The following SYNPO2 variants were observed in gnomAD, a reference collection of about 807,000 sequenced individuals.
SYNPO2 encodes the protein synaptopodin 2.
In SYNPO2, 56 loss-of-function variants were observed where a neutral mutation model predicts 85.0. The observed-to-expected ratio is 0.66, with a 90% CI of 0.53 to 0.82. The LOEUF (loss-of-function observed/expected upper bound fraction) is 0.82. Among genes scored for constraint, SYNPO2 ranks in the 40% least tolerant of loss-of-function variants. The pLI, the probability that SYNPO2 is intolerant of heterozygous loss-of-function variation, is 0.00. For missense variants in SYNPO2, 1,575 were observed against 1,534.2 expected (o/e 1.03, Z -0.44); for synonymous variants, 602 against 591.1 (o/e 1.02, Z -0.27).
intron 1 of SYNPO2, among the ~76,000 whole-genome samples, chr4:118,904,983 T>C (rs560743232): frequency 6.6e-6 from 1 of 152,328 alleles, no homozygotes. Context: ...AGGTCTCCAG[T>C]ATTTTGGCTG....
At chr4:118,869,061 A>AATT (rs559947310) in intron 1 of SYNPO2, among the ~76,000 whole-genome samples, 1 of 152,016 alleles carries the variant, frequency 6.6e-6, no homozygotes, top group Non-Finnish European at 1.5e-5. Flanking sequence ...GCAAAAAGAA[A>AATT]ATTATTATTA....
In SYNPO2 at chr4:119,057,509, G is replaced by A. The variant is rs1371987909; in HGVS notation, c.3361G>A (p.Gly1121Arg). 1 of 1,614,082 alleles carries A rather than the reference G, an allele frequency of 6.2e-7. No homozygotes were observed. Among genetic ancestry groups the A allele is most frequent in the Non-Finnish European group, 8.5e-7 (1 of 1,180,030 alleles). ...TAGTTACTCTAGTAAACCAACCGAT[G>A]GACTAGAGAAAGCAAACAAGAGACC... is the stretch of plus-strand genomic sequence containing the variant. The part of the protein sequence containing the change: ...TYSYSSKPTD[G>R]LEKANKRPTP... Residue 1121 changes from glycine to arginine, a missense_variant, in exon 5 of 5, where the codon GGA becomes AGA. Coordinates refer to ENST00000307142, the MANE Select transcript of SYNPO2 (RefSeq NM_133477.3).
At chr4:118,854,440 AG>A (rs1731472823) in intron 1 of SYNPO2, among the ~76,000 whole-genome samples, 1 of 152,234 alleles carries the variant, frequency 6.6e-6, no homozygotes, top group Non-Finnish European at 1.5e-5. Flanking sequence ...TGCTGCAAAT[AG>A]AAAACCAGCC....
chr4:118,903,508 A>G lies in SYNPO2; in HGVS notation c.105+14367A>G, dbSNP rs192176948. Among the ~76,000 whole-genome samples the G allele has an allele frequency of 2.0e-5, 3 of 152,320 alleles. No homozygotes were observed. The East Asian group carries it at 5.8e-4, about 29-fold the overall frequency. On this transcript the variant is annotated intron_variant, in intron 1 of 4. Transcript: ENST00000307142. Reference sequence around the variant, plus strand: ...ATACAAATAAAATTAAGAGCACAAAAGCCAGATGGAACAACTTGCGATGAT... The same window carrying G: ...ATACAAATAAAATTAAGAGCACAAAGGCCAGATGGAACAACTTGCGATGAT...
intron 1 of SYNPO2, among the ~76,000 whole-genome samples, chr4:118,993,885 T>G (rs1228142356): frequency 6.6e-6 from 1 of 152,252 alleles, no homozygotes; most frequent in Non-Finnish European, 1.5e-5. Flanking sequence ...CCAGGACTTA[T>G]GATGCTGGAA....
chr4:118,954,484 C>CA (rs1323114089), intron 1 of SYNPO2, among the ~76,000 whole-genome samples: 4 of 152,036 alleles, frequency 2.6e-5, no homozygotes, highest in African/African-American at 9.7e-5. Flanking sequence ...GATGTTCAAC[C>CA]AAAAATGGGC....
chr4:118,981,265 T>G lies in SYNPO2; in HGVS notation c.106-42165T>G, dbSNP rs116059040. On this transcript the variant is annotated intron_variant, in intron 1 of 4. Transcript: ENST00000307142. ...GGATGGGCTCTCTAGTTGAACAGCC[T>G]AACAGCCCTGCAACCAACCTGTCTC... Among the ~76,000 whole-genome samples the G allele has an allele frequency of 5.6e-3, 848 of 152,244 alleles. 6 individuals are homozygous for G. Among genetic ancestry groups the G allele is most frequent in the African/African-American group, 0.02 (812 of 41,542 alleles).
chr4:118,971,760 G>A (rs1412166256), intron 1 of SYNPO2, among the ~76,000 whole-genome samples: 1 of 152,188 alleles, frequency 6.6e-6, no homozygotes, highest in African/African-American at 2.4e-5. Flanking sequence ...AGTAACCATG[G>A]TCTCTGAAAA....
chr4:119,049,285 G>A (rs890406731), intron 4 of SYNPO2, among the ~76,000 whole-genome samples: 5 of 152,152 alleles, frequency 3.3e-5, no homozygotes, highest in Admixed American at 2.0e-4. Flanking sequence ...TGATTAAAAA[G>A]GCAAAAGAAA....
At chr4:118,960,021 G>A (rs536064959) in intron 1 of SYNPO2, among the ~76,000 whole-genome samples, 1 of 152,330 alleles carries the variant, frequency 6.6e-6, no homozygotes, top group African/African-American at 2.4e-5. Flanking sequence ...TATGATAGAA[G>A]AGTAGGAGGC....
chr4:118,910,276 C>CAGGGGAGAATG (rs1282752048), intron 1 of SYNPO2, among the ~76,000 whole-genome samples: 5 of 152,302 alleles, frequency 3.3e-5, no homozygotes, highest in Non-Finnish European at 5.9e-5. Context: ...AAAAAGATGT[C>CAGGGGAGAATG]AGGGGAGAAT....
At chr4:118,886,827 G>T (rs369915028), upstream of SYNPO2, among the ~76,000 whole-genome samples, 1 of 84,294 alleles carries the variant, frequency 1.2e-5, no homozygotes, top group African/African-American at 3.0e-5. Flanking sequence ...CCTTCAAAGG[G>T]TCTCTTCCAG....
In SYNPO2 at chr4:118,974,728, C is replaced by T. The variant is rs191581966; in HGVS notation, c.106-48702C>T. On this transcript the variant is annotated intron_variant, in intron 1 of 4. Transcript: ENST00000307142. ...TTCTTTCTTCTACCAACAGCATCAC[C>T]ATTATTAGGACTTTAGATTCATCCT... is the stretch of plus-strand genomic sequence containing the variant. Among the ~76,000 whole-genome samples, 459 of 152,224 alleles carry T rather than the reference C, an allele frequency of 3.0e-3. 4 individuals are homozygous for T. The highest frequency in any genetic ancestry group is 0.01 in the African/African-American group (434 of 41,522).
chr4:119,018,037 A>G (rs1355119199), intron 1 of SYNPO2, among the ~76,000 whole-genome samples: 1 of 152,220 alleles, frequency 6.6e-6, no homozygotes, highest in Non-Finnish European at 1.5e-5. Flanking sequence ...AAATTAGCAT[A>G]GCCGAAAGTC....
At chr4:119,016,528 T>G (rs1303365790) in intron 1 of SYNPO2, among the ~76,000 whole-genome samples, 1 of 152,234 alleles carries the variant, frequency 6.6e-6, no homozygotes, top group East Asian at 1.9e-4. Flanking sequence ...GCTTTTAAAT[T>G]TTACATGTGC....
At chr4:118,858,818 C>T (rs1017092698) in intron 1 of SYNPO2, among the ~76,000 whole-genome samples, 2 of 152,138 alleles carry the variant, frequency 1.3e-5, no homozygotes, top group African/African-American at 2.4e-5. Flanking sequence ...TATGGGTGTC[C>T]TTATTTTAGC....
chr4:118,985,926 C>T (rs1290041390), intron 1 of SYNPO2, among the ~76,000 whole-genome samples: 6 of 152,194 alleles, frequency 3.9e-5, no homozygotes, highest in Non-Finnish European at 7.3e-5. Flanking sequence ...CGGGGGCCAG[C>T]TATTTAGCCC....
intron 1 of SYNPO2, among the ~76,000 whole-genome samples, chr4:118,894,439 C>A (rs1187245590): frequency 6.6e-6 from 1 of 151,994 alleles, no homozygotes; most frequent in Non-Finnish European, 1.5e-5. Flanking sequence ...GGGGAACTGG[C>A]AAGAGGGGAG....
chr4:118,895,288 T>C (rs1732516107), intron 1 of SYNPO2, among the ~76,000 whole-genome samples: 1 of 152,176 alleles, frequency 6.6e-6, no homozygotes, highest in South Asian at 2.1e-4. Context: ...GGGTACCTGC[T>C]CTTTACCCAT....
Sources: gnomAD v4.1 joint callset for allele counts (sites outside exome capture counted in the v4.1 genomes callset) on GRCh38, gnomAD v4.1.1 for gene constraint, MANE v1.5 for transcripts, NCBI Gene and HGNC (gene_info 2026-07-23, HGNC 2026-07-21) for gene names.